The following AKAP3 variants were observed in gnomAD, a reference collection of about 807,000 sequenced individuals.
AKAP3 encodes the protein A-kinase anchoring protein 3.
A neutral mutation model predicts 57.2 loss-of-function variants in AKAP3; 27 were observed. The ratio of observed to expected loss-of-function variants is 0.47; its 90% CI spans 0.35 to 0.65. AKAP3 has a LOEUF of 0.65. Among genes scored for constraint, AKAP3 ranks in the 30% least tolerant of loss-of-function variants. The probability of loss-of-function intolerance (pLI) is 0.01; values close to 1 mark genes in which losing one functional copy is unlikely to be tolerated. For synonymous variants in AKAP3, 334 were observed against 392.3 expected (o/e 0.85, Z 1.76); for missense variants, 959 against 1,040.0 (o/e 0.92, Z 1.07).
intron 4 of AKAP3, 145 bp from the exon 5 acceptor site, chr12:4,628,950 T>C: frequency 1.4e-6 from 1 of 714,286 alleles, no homozygotes; most frequent in East Asian, 2.7e-5. Flanking sequence ...TATTAAGTAC[T>C]CACTGTGTAT....
chr12:4,640,076 A>C (rs1246818584), intron 3 of AKAP3, among the ~76,000 whole-genome samples: 1 of 152,116 alleles, frequency 6.6e-6, no homozygotes, highest in Non-Finnish European at 1.5e-5. Context: ...TCGGCCTCCC[A>C]AAGTGCTGGG....
intron 5 of AKAP3, 152 bp downstream of exon 5, chr12:4,626,344 C>T: frequency 1.1e-6 from 1 of 930,984 alleles, no homozygotes; most frequent in South Asian, 1.8e-5. Context: ...TTTACTTTAT[C>T]CATTATCTCT....
At chr12:4,639,193 C>T (rs1945604529) in intron 3 of AKAP3, among the ~76,000 whole-genome samples, 1 of 151,954 alleles carries the variant, frequency 6.6e-6, no homozygotes, top group South Asian at 2.1e-4. Context: ...AAAACATGGC[C>T]AACTCTCATG....
At chr12:4,639,424 T>G (rs1204569316) in intron 3 of AKAP3, among the ~76,000 whole-genome samples, 1 of 152,118 alleles carries the variant, frequency 6.6e-6, no homozygotes, top group Non-Finnish European at 1.5e-5. Context: ...TTAATTTAAT[T>G]TTTTCTTTTT....
Position 4,615,616 on chromosome 12 carries a change from T to A in AKAP3, c.*123A>T. The A allele has an allele frequency of 8.3e-7, 1 of 1,198,582 alleles. No homozygotes were observed. Among genetic ancestry groups the A allele is most frequent in the South Asian group, 1.7e-5 (1 of 58,150 alleles). The allele number at this position is 1,198,582 out of a possible 1,614,324, so 74.2% of individuals were successfully genotyped here. ...CAAGATGACATGTCTTTGATGAGAG[T>A]GGTGTGAAGATAATGTTAGGGCTCT... On this transcript the variant is annotated 3_prime_UTR_variant, in exon 6 of 6. Transcript: ENST00000228850.
chr12:4,648,717 C>G, intron 1 of AKAP3, 28 bp downstream of exon 1: 1 of 171,222 alleles, frequency 5.8e-6, no homozygotes, highest in East Asian at 1.7e-4. Flanking sequence ...GCGCGGAGGG[C>G]TACGCCTCCT....
At chr12:4,615,976 G>C in intron 5 of AKAP3, 82 bp from the exon 6 acceptor site, 1 of 1,549,246 alleles carries the variant, frequency 6.5e-7, no homozygotes, top group Non-Finnish European at 8.8e-7. Context: ...CTGGAGCAGA[G>C]AGGCCAGGCA....
intron 4 of AKAP3, among the ~76,000 whole-genome samples, chr12:4,630,639 T>C (rs1348135552): frequency 1.3e-5 from 2 of 152,204 alleles, no homozygotes; most frequent in Non-Finnish European, 2.9e-5. Context: ...TAGTGGAAAA[T>C]CACACATCAT....
At chr12:4,636,885 G>C (rs1414266524) in intron 4 of AKAP3, among the ~76,000 whole-genome samples, 1 of 152,150 alleles carries the variant, frequency 6.6e-6, no homozygotes, top group Admixed American at 6.5e-5. Context: ...AAGTTGCTGT[G>C]ACTACAGACG....
At chr12:4,623,429 A>G (rs1157855976) in intron 5 of AKAP3, among the ~76,000 whole-genome samples, 1 of 152,250 alleles carries the variant, frequency 6.6e-6, no homozygotes, top group Non-Finnish European at 1.5e-5. Context: ...ATGCAGTCAT[A>G]AAAAAGAACA....
chr12:4,635,498 G>C (rs1386231950), intron 4 of AKAP3: 3 of 654,094 alleles, frequency 4.6e-6, no homozygotes, highest in African/African-American at 3.7e-5. Context: ...CTGATGTTTA[G>C]CTGATGTCTT....
At chr12:4,639,043 T>C (rs1945601707) in intron 3 of AKAP3, among the ~76,000 whole-genome samples, 1 of 152,254 alleles carries the variant, frequency 6.6e-6, no homozygotes, top group Non-Finnish European at 1.5e-5. Context: ...TTCTTAAACA[T>C]ATTGCTTATA....
At chr12:4,644,162 G>A (rs1329839959) in intron 2 of AKAP3, among the ~76,000 whole-genome samples, 3 of 151,978 alleles carry the variant, frequency 2.0e-5, no homozygotes, top group South Asian at 2.1e-4. Context: ...TAAGCTTTCC[G>A]GTGGAAAGTC....
chr12:4,618,361 G>A (rs1246485502), intron 5 of AKAP3, among the ~76,000 whole-genome samples: 1 of 152,200 alleles, frequency 6.6e-6, no homozygotes, highest in Non-Finnish European at 1.5e-5. Flanking sequence ...ATAATTCAGA[G>A]GGGCCAGATT....
intron 2 of AKAP3, among the ~76,000 whole-genome samples, chr12:4,643,166 T>G (rs1331284680): frequency 6.6e-6 from 1 of 152,242 alleles, no homozygotes; most frequent in Non-Finnish European, 1.5e-5. Context: ...CTTAAATATA[T>G]TCTAATGTTT....
chr12:4,628,860 T>G, intron 4 of AKAP3, 55 bp from the exon 5 acceptor site: 1 of 1,521,004 alleles, frequency 6.6e-7, no homozygotes, highest in African/African-American at 1.4e-5. Flanking sequence ...TATGGGATAT[T>G]CAAGACAACC....
In AKAP3 at chr12:4,627,766, C is replaced by T. The variant is rs754921495; in HGVS notation, c.1136G>A (p.Arg379Lys). The change falls in exon 5 of 6, where the codon AGG becomes AAG. Residue 379 changes from arginine (R) to lysine (K), a missense_variant. Physicochemically the swap from Arg to Lys is conservative, Grantham distance 26. Transcript: ENST00000228850. ...GGCAAACATTACATTGTACAGCTTC[C>T]TTAGCATGGCATCCATGATATCTGT... ...KATDIMDAML[R>K]KLYNVMFAKK... 5 of 1,614,134 alleles carry T rather than the reference C, an allele frequency of 3.1e-6. No homozygotes were observed. In the South Asian group the frequency reaches 5.5e-5, roughly 18 times the overall value.
At chr12:4,645,523 A>C (rs1196961330) in intron 1 of AKAP3, 1 of 152,140 alleles carries the variant, frequency 6.6e-6, no homozygotes, top group Non-Finnish European at 1.5e-5. Context: ...ATAATATAGA[A>C]TCAGTGGGAG....
chr12:4,636,214 A>G lies in AKAP3; in HGVS notation c.96+1887T>C, dbSNP rs2137443157. The G allele has an allele frequency of 6.2e-6, 3 of 482,940 alleles. No individual in the cohort carries two copies. The East Asian group carries it at 1.4e-4, about 22-fold the overall frequency. 29.9% of individuals were successfully genotyped at this position (482,940 alleles called of 1,614,324 possible). On this transcript the variant is annotated intron_variant, in intron 4 of 5. Transcript: ENST00000228850. ...TTCAGACTCTTCAATGAACTTCCAG[A>G]ATTCAAGCGGTCAATTTTCTTCTTT...
Sources: gnomAD v4.1 joint callset for allele counts (sites outside exome capture counted in the v4.1 genomes callset) on GRCh38, gnomAD v4.1.1 for gene constraint, MANE v1.5 for transcripts, NCBI Gene and HGNC (gene_info 2026-07-23, HGNC 2026-07-21) for gene names.